Variants in CSNK1G2 observed in about 807,000 individuals in gnomAD.
CSNK1G2 encodes casein kinase I isoform gamma-2.
A neutral mutation model predicts 48.0 loss-of-function variants in CSNK1G2; 11 were observed. That is an observed-to-expected ratio of 0.23 (90% confidence interval 0.14 to 0.38). CSNK1G2 has a LOEUF of 0.38. Among genes scored for constraint, CSNK1G2 ranks in the 10% least tolerant of loss-of-function variants. The probability of loss-of-function intolerance (pLI) is 1.00; values close to 1 mark genes in which losing one functional copy is unlikely to be tolerated. For missense variants in CSNK1G2, 446 were observed against 595.5 expected (o/e 0.75, Z 2.61); for synonymous variants, 337 against 254.1 (o/e 1.33, Z -3.10).
intron 1 of CSNK1G2, among the ~76,000 whole-genome samples, chr19:1,942,033 A>C (rs1341713823): frequency 6.6e-6 from 1 of 151,966 alleles, no homozygotes; most frequent in African/African-American, 2.4e-5. Flanking sequence ...TTGTGGTCCT[A>C]AAGCTCTTGA....
At chr19:1,952,324 CT>C (rs1043611284) in intron 1 of CSNK1G2, among the ~76,000 whole-genome samples, 76 of 146,454 alleles carry the variant, frequency 5.2e-4, no homozygotes, top group Non-Finnish European at 5.6e-4. Flanking sequence ...ACGTGCTCAA[CT>C]TTTTTTTTTT....
chr19:1,975,246 CAG>C, intron 2 of CSNK1G2: 1 of 985,482 alleles, frequency 1.0e-6, no homozygotes, highest in Non-Finnish European at 1.2e-6. Flanking sequence ...GCCTGCCCGT[CAG>C]GGAGCCACAG....
At chr19:1,972,594 C>T (rs149555413) in intron 2 of CSNK1G2, among the ~76,000 whole-genome samples, 7 of 152,218 alleles carry the variant, frequency 4.6e-5, no homozygotes, top group African/African-American at 1.7e-4. Context: ...TTTCATGAAA[C>T]GTTTTTCCAT....
chr19:1,951,276 G>T (rs1012996919), intron 1 of CSNK1G2, among the ~76,000 whole-genome samples: 1 of 144,632 alleles, frequency 6.9e-6, no homozygotes, highest in Non-Finnish European at 1.5e-5. Flanking sequence ...GGTGGCGGGC[G>T]CCTGTAGTCC....
At chr19:1,974,398 G>A (rs965900108) in intron 2 of CSNK1G2, among the ~76,000 whole-genome samples, 11 of 152,288 alleles carry the variant, frequency 7.2e-5, no homozygotes, top group Admixed American at 5.9e-4. Flanking sequence ...ACTCATCCAC[G>A]AGGGCAGCGA....
In CSNK1G2 at chr19:1,978,749, T is replaced by C; in HGVS notation, c.446T>C (p.Leu149Pro). 1.5e-6 allele frequency: 1 copy of C among 667,438 alleles called. No homozygotes were observed. 41.3% of individuals were successfully genotyped at this position (667,438 alleles called of 1,614,324 possible). ...ACGGTGCTGATGATCGCCATCCAGC[T>C]GGTGCGCGGCGGGCGGGGCGGGGCG... ...LKTVLMIAIQLITRMEYVHTK... is the reference protein window; with the variant it reads ...LKTVLMIAIQPITRMEYVHTK... The change falls in exon 5 of 12, where the codon CTG (leucine) becomes CCG (proline). Residue 149 changes from leucine (L) to proline (P), a missense_variant and splice_region_variant. Leu to Pro is a moderately conservative substitution (Grantham distance 98). Around this residue, in one of 2 missense-constraint regions of CSNK1G2, gnomAD observed 258 missense variants for 415.9 expected, o/e 0.62. Coordinates refer to ENST00000255641, the MANE Select transcript of CSNK1G2 (RefSeq NM_001319.7). The surrounding 1 kb of genome is among the most constrained non-coding windows in gnomAD (Gnocchi z 7.3).
At chr19:1,953,772 CCT>C in intron 1 of CSNK1G2, 1 of 466,468 alleles carries the variant, frequency 2.1e-6, no homozygotes. Flanking sequence ...AGCCTTGCCC[CCT>C]CCCCCCGCAT....
chr19:1,972,685 C>T (rs2015612381), intron 2 of CSNK1G2, among the ~76,000 whole-genome samples: 1 of 151,748 alleles, frequency 6.6e-6, no homozygotes, highest in African/African-American at 2.4e-5. Context: ...TGCAGTGGCA[C>T]CATCTCGGCT....
intron 1 of CSNK1G2, among the ~76,000 whole-genome samples, chr19:1,948,853 C>T (rs1014682101): frequency 2.6e-5 from 4 of 152,226 alleles, no homozygotes; most frequent in African/African-American, 7.2e-5. Context: ...ACACATACCT[C>T]GTGTGTTGTG....
rs369333641 is a variant in CSNK1G2 at position 1,960,211 on chromosome 19, C to T, written c.-265-9297C>T. The stretch of plus-strand genomic sequence containing the variant: ...CTTAGGAGATAGGTACATCCGGGAC[C>T]TGGGGCCTTCTCGCCCTCAGTCCAC... On this transcript the variant is annotated intron_variant, in intron 1 of 11. Coordinates refer to ENST00000255641, the MANE Select transcript of CSNK1G2 (RefSeq NM_001319.7). 3.3e-5 allele frequency among the ~76,000 whole-genome samples: 5 copies of T among 152,350 alleles called. No individual in the cohort carries two copies. In the East Asian group the frequency reaches 5.8e-4, roughly 18 times the overall value.
intron 1 of CSNK1G2, among the ~76,000 whole-genome samples, chr19:1,961,604 T>A (rs541441755): frequency 1.3e-5 from 2 of 151,862 alleles, no homozygotes; most frequent in African/African-American, 4.8e-5. Flanking sequence ...AACTAGGGGG[T>A]GCCCCCAAAG....
intron 1 of CSNK1G2, among the ~76,000 whole-genome samples, chr19:1,965,653 A>G (rs552873934): frequency 2.0e-5 from 3 of 151,894 alleles, no homozygotes; most frequent in East Asian, 2.0e-4. Context: ...GGTGCGTGCC[A>G]CCATGCCCAG....
At chr19:1,974,571 T>C (rs2015688089) in intron 2 of CSNK1G2, 1 of 152,256 alleles carries the variant, frequency 6.6e-6, no homozygotes, top group African/African-American at 2.4e-5. Flanking sequence ...CCTCCCTCAC[T>C]CACCTGTGGG....
rs575271055 is a variant in CSNK1G2 at position 1,967,412 on chromosome 19, CCTT to C, written c.-265-2091_-265-2089del. Among the ~76,000 whole-genome samples, 14 of 152,308 alleles carry C rather than the reference CCTT, an allele frequency of 9.2e-5. No individual in the cohort carries two copies. The South Asian group carries it at 2.5e-3, about 27-fold the overall frequency. On this transcript the variant is annotated intron_variant, in intron 1 of 11. Transcript: ENST00000255641. ...GGGCACAGCAGCAAACTGTGGTCCC[CCTT>C]CTTCAGTGAGGGTGGGGCTTCTGTC...
At chr19:1,973,531 G>A (rs1031673416) in intron 2 of CSNK1G2, among the ~76,000 whole-genome samples, 1 of 152,344 alleles carries the variant, frequency 6.6e-6, no homozygotes, top group Admixed American at 6.5e-5. Context: ...CCTGGGTTCT[G>A]GTTCTGCGTG....
intron 1 of CSNK1G2, among the ~76,000 whole-genome samples, chr19:1,944,843 G>A (rs1933424467): frequency 6.6e-6 from 1 of 152,228 alleles, no homozygotes; most frequent in Admixed American, 6.5e-5. Context: ...CTCCTGGCAA[G>A]CACCCGTCTG....
chr19:1,962,280 G>T (rs578121483), intron 1 of CSNK1G2, among the ~76,000 whole-genome samples: 115 of 150,370 alleles, frequency 7.6e-4, no homozygotes, highest in Non-Finnish European at 1.2e-3. Flanking sequence ...ACAGTGAGTC[G>T]AGTTCGTGCC....
At chr19:1,946,696 T>G (rs1004122771) in intron 1 of CSNK1G2, among the ~76,000 whole-genome samples, 1 of 151,500 alleles carries the variant, frequency 6.6e-6, no homozygotes, top group Non-Finnish European at 1.5e-5. Context: ...CACTGCAAGC[T>G]CCGCCTCCCG....
rs1267143633 is a variant in CSNK1G2 at position 1,980,174 on chromosome 19, AAG to A, written c.1223_1224del (p.Arg408LysfsTer117). On this transcript the variant is annotated frameshift_variant, in exon 12 of 12. Transcript: ENST00000255641. LOFTEE classifies it high-confidence loss of function. ...ATGCTGCTGTTTCTTCAAGAGGAGAAAGAGAAAATCGCTGCAGCGACACAAGT... is the reference window on the plus strand; with the variant it reads ...ATGCTGCTGTTTCTTCAAGAGGAGAAAGAAAATCGCTGCAGCGACACAAGT... ...TKCCCFFKRR[K>X]RKSLQRHK 1.2e-6 allele frequency: 2 copies of A among 1,612,926 alleles called. No individual in the cohort carries two copies. Among genetic ancestry groups the A allele is most frequent in the Admixed American group, 1.7e-5 (1 of 60,016 alleles).
Sources: gnomAD v4.1 joint callset for allele counts (sites outside exome capture counted in the v4.1 genomes callset) on GRCh38, gnomAD v4.1.1 for gene constraint, gnomAD v4.1.1 regional missense constraint, Gnocchi (gnomAD v3.1) non-coding constraint, MANE v1.5 for transcripts, NCBI Gene and HGNC (gene_info 2026-07-23, HGNC 2026-07-21) for gene names.